The following SCFD1 variants were observed in gnomAD, a reference collection of about 807,000 sequenced individuals.
The protein encoded by SCFD1 is sec1 family domain-containing protein 1.
In SCFD1, 37 loss-of-function variants were observed where a neutral mutation model predicts 103.2. The ratio of observed to expected loss-of-function variants is 0.36; its 90% CI spans 0.28 to 0.47. SCFD1 has a LOEUF of 0.47. Among genes scored for constraint, SCFD1 ranks in the 20% least tolerant of loss-of-function variants. The pLI, the probability that SCFD1 is intolerant of heterozygous loss-of-function variation, is 1.00. For synonymous variants in SCFD1, 264 were observed against 245.0 expected (o/e 1.08, Z -0.73); for missense variants, 639 against 761.2 (o/e 0.84, Z 1.89).
rs148761088 is a variant in SCFD1 at position 30,711,514 on chromosome 14, C to T, written c.1629+3449C>T. Among the ~76,000 whole-genome samples the T allele has an allele frequency of 4.4e-3, 673 of 152,180 alleles. 3 individuals are homozygous for T. Among genetic ancestry groups the T allele is most frequent in the Non-Finnish European group, 8.1e-3 (550 of 67,992 alleles). ...TTGGGAGGCTGAGGTGGGAGGATCA[C>T]GTGAGCCTGGGAGATGGATGATAAT... On this transcript the variant is annotated intron_variant, in intron 19 of 24. Coordinates refer to ENST00000458591, the MANE Select transcript of SCFD1 (RefSeq NM_016106.4).
chr14:30,705,886 G>A lies in SCFD1; in HGVS notation c.1553+1G>A. ...GCAGCACTACCACTAAACCAATGGG[G>A]TAAGTATTTTTAATAATTCTTTTGC... On this transcript the variant is annotated splice_donor_variant, in intron 18 of 24. Coordinates refer to ENST00000458591, the MANE Select transcript of SCFD1 (RefSeq NM_016106.4). LOFTEE classifies it high-confidence loss of function. The A allele has an allele frequency of 6.2e-7, 1 of 1,610,174 alleles. No individual in the cohort carries two copies. The highest frequency in any genetic ancestry group is 8.5e-7 in the Non-Finnish European group (1 of 1,176,916).
chr14:30,666,415 A>G (rs1018180635), intron 10 of SCFD1, among the ~76,000 whole-genome samples: 1 of 152,246 alleles, frequency 6.6e-6, no homozygotes, highest in African/African-American at 2.4e-5. Flanking sequence ...GTAGAGGGAA[A>G]TTTATAGCAC....
chr14:30,691,730 C>A (rs978501201), intron 14 of SCFD1, among the ~76,000 whole-genome samples: 1 of 152,142 alleles, frequency 6.6e-6, no homozygotes, highest in Non-Finnish European at 1.5e-5. Flanking sequence ...CAAAAAGAAA[C>A]CCCCTACCTA....
chr14:30,716,054 A>AT, intron 20 of SCFD1, 77 bp downstream of exon 20: 2 of 826,372 alleles, frequency 2.4e-6, no homozygotes, highest in Non-Finnish European at 4.1e-6. Context: ...ATAAAATCAG[A>AT]TTGAGTTCCT....
At chr14:30,643,604 C>T (rs972487988) in intron 7 of SCFD1, among the ~76,000 whole-genome samples, 199 bp downstream of exon 7, 4 of 152,050 alleles carry the variant, frequency 2.6e-5, no homozygotes, top group Non-Finnish European at 5.9e-5. Flanking sequence ...TTTAACAGAT[C>T]TATTGAGTTG....
intron 2 of SCFD1, among the ~76,000 whole-genome samples, chr14:30,630,126 G>A (rs896720160): frequency 3.9e-5 from 6 of 151,964 alleles, no homozygotes; most frequent in African/African-American, 1.4e-4. Context: ...CTAGAAAAAA[G>A]AATTTTATAA....
intron 14 of SCFD1, 115 bp downstream of exon 14, chr14:30,675,180 T>C: frequency 2.1e-6 from 1 of 486,784 alleles, no homozygotes; most frequent in African/African-American, 2.0e-5. Flanking sequence ...ACATGAAGTA[T>C]AATTATGGAA....
chr14:30,654,629 G>C (rs1214856333), intron 10 of SCFD1, among the ~76,000 whole-genome samples: 2 of 150,640 alleles, frequency 1.3e-5, no homozygotes, highest in Non-Finnish European at 1.5e-5. Context: ...GGCCAAGATT[G>C]TGCCACTGCA....
chr14:30,732,235 A>C (rs576213750), intron 23 of SCFD1, among the ~76,000 whole-genome samples: 1 of 152,178 alleles, frequency 6.6e-6, no homozygotes, highest in Admixed American at 6.5e-5. Flanking sequence ...GTTTCTATAT[A>C]CAAGATCATG....
intron 19 of SCFD1, among the ~76,000 whole-genome samples, chr14:30,712,879 A>G (rs897329222): frequency 1.3e-5 from 2 of 152,162 alleles, no homozygotes; most frequent in Non-Finnish European, 2.9e-5. Context: ...TCTTACAACA[A>G]TGGAGTTTTT....
intron 14 of SCFD1, among the ~76,000 whole-genome samples, chr14:30,693,876 A>G (rs193091685): frequency 2.6e-5 from 4 of 152,302 alleles, no homozygotes; most frequent in East Asian, 1.9e-4. Flanking sequence ...TATCTGAAGC[A>G]TAACTTAAGA....
At chr14:30,649,407 T>A in intron 7 of SCFD1, 121 bp from the exon 8 acceptor site, 1 of 674,298 alleles carries the variant, frequency 1.5e-6, no homozygotes. Context: ...ATACATAAAA[T>A]CGTGTGTAAC....
At chr14:30,734,947 C>A in intron 24 of SCFD1, 89 bp downstream of exon 24, 2 of 1,058,456 alleles carry the variant, frequency 1.9e-6, no homozygotes, top group Non-Finnish European at 2.8e-6. Flanking sequence ...ACCACTTACT[C>A]ACCTGAACCA....
At chr14:30,656,460 C>T (rs929655170) in intron 10 of SCFD1, among the ~76,000 whole-genome samples, 5 of 152,062 alleles carry the variant, frequency 3.3e-5, no homozygotes, top group African/African-American at 1.2e-4. Context: ...GGGGAGCTGT[C>T]CTGTGCATTG....
At chr14:30,727,965 A>G (rs920152054) in intron 23 of SCFD1, among the ~76,000 whole-genome samples, 3 of 152,248 alleles carry the variant, frequency 2.0e-5, no homozygotes, top group Admixed American at 2.0e-4. Context: ...ATCATTCCTC[A>G]GACAGTTATA....
intron 10 of SCFD1, among the ~76,000 whole-genome samples, chr14:30,660,240 A>G (rs1381697359): frequency 6.6e-6 from 1 of 152,120 alleles, no homozygotes; most frequent in African/African-American, 2.4e-5. Context: ...TTTCTATAGA[A>G]TTTCCTACAT....
chr14:30,697,471 C>T (rs1310980810), intron 15 of SCFD1, among the ~76,000 whole-genome samples: 1 of 152,154 alleles, frequency 6.6e-6, no homozygotes, highest in Non-Finnish European at 1.5e-5. Flanking sequence ...TTTCAGAATA[C>T]CTCCCCACAA....
At chr14:30,734,648 G>A (rs1474514274) in intron 23 of SCFD1, 142 bp from the exon 24 acceptor site, 2 of 652,488 alleles carry the variant, frequency 3.1e-6, no homozygotes, top group East Asian at 5.5e-5. Context: ...ATTTTAGGTA[G>A]ATGTGTATAC....
intron 10 of SCFD1, among the ~76,000 whole-genome samples, chr14:30,659,678 G>A (rs1010884644): frequency 6.6e-6 from 1 of 152,180 alleles, no homozygotes; most frequent in African/African-American, 2.4e-5. Flanking sequence ...TGCTGATGCT[G>A]TAAAGAATAC....
Sources: allele counts gnomAD v4.1 joint callset (sites outside exome capture counted in the v4.1 genomes callset), GRCh38; gene constraint gnomAD v4.1.1; transcripts MANE v1.5; gene names NCBI Gene and HGNC (gene_info 2026-07-23, HGNC 2026-07-21).